The following NEGR1 variants were observed in gnomAD, a reference collection of about 807,000 sequenced individuals.
NEGR1 encodes the protein neuronal growth regulator 1.
A neutral mutation model predicts 40.9 loss-of-function variants in NEGR1; 10 were observed. The observed-to-expected ratio is 0.24, with a 90% CI of 0.15 to 0.42. The LOEUF (loss-of-function observed/expected upper bound fraction) is 0.42, where lower values mean the gene tolerates loss of function less well. Ranked by LOEUF, NEGR1 falls within the 10% of genes least tolerant of loss-of-function variation. The pLI, the probability that NEGR1 is intolerant of heterozygous loss-of-function variation, is 1.00. For synonymous variants in NEGR1, 185 were observed against 166.8 expected (o/e 1.11, Z -0.84); for missense variants, 352 against 438.9 (o/e 0.80, Z 1.77).
intron 6 of NEGR1, among the ~76,000 whole-genome samples, chr1:71,430,944 A>T (rs1385147570): frequency 6.6e-6 from 1 of 151,992 alleles, no homozygotes; most frequent in Non-Finnish European, 1.5e-5. Context: ...TATTTTTAGT[A>T]GAGACAGGGT....
At chr1:71,684,222 G>T (rs1336868374) in intron 4 of NEGR1, among the ~76,000 whole-genome samples, 1 of 152,048 alleles carries the variant, frequency 6.6e-6, no homozygotes, top group African/African-American at 2.4e-5. Flanking sequence ...AGTGAGCCCA[G>T]ATCGCGCCAC....
At chr1:71,796,600 C>T (rs188356383) in intron 2 of NEGR1, among the ~76,000 whole-genome samples, 357 of 152,182 alleles carry the variant, frequency 2.3e-3, no homozygotes, top group South Asian at 3.7e-3. Flanking sequence ...TGAAGAATGA[C>T]ATACAATTAA....
chr1:71,996,534 C>CA (rs1368153022), intron 1 of NEGR1, among the ~76,000 whole-genome samples: 3 of 152,090 alleles, frequency 2.0e-5, no homozygotes, highest in Non-Finnish European at 4.4e-5. Context: ...GATACTCTCA[C>CA]AATCTTTCTT....
chr1:71,913,502 C>T (rs1326790792), intron 2 of NEGR1, among the ~76,000 whole-genome samples: 1 of 152,170 alleles, frequency 6.6e-6, no homozygotes, highest in Non-Finnish European at 1.5e-5. Context: ...CACTTCTAAA[C>T]CCATATTTTG....
chr1:72,134,554 A>G (rs189700023), intron 1 of NEGR1, among the ~76,000 whole-genome samples: 3 of 151,662 alleles, frequency 2.0e-5, no homozygotes, highest in African/African-American at 4.8e-5. Context: ...TATAACATTG[A>G]CATTATATAT....
At chr1:71,668,228 C>T (rs1268938639) in intron 4 of NEGR1, among the ~76,000 whole-genome samples, 1 of 152,098 alleles carries the variant, frequency 6.6e-6, no homozygotes, top group Non-Finnish European at 1.5e-5. Context: ...TGTCCATTAC[C>T]CTTGCTCTTC....
At chr1:71,570,995 T>C (rs1400085639) in intron 6 of NEGR1, 8 of 152,176 alleles carry the variant, frequency 5.3e-5, no homozygotes, top group Non-Finnish European at 1.2e-4. Flanking sequence ...CTATCTTTGA[T>C]TCCAGGTATG....
intron 1 of NEGR1, among the ~76,000 whole-genome samples, chr1:71,981,212 T>C (rs1006588854): frequency 6.6e-6 from 1 of 152,156 alleles, no homozygotes; most frequent in Non-Finnish European, 1.5e-5. Flanking sequence ...CTATGATAAA[T>C]GAGAGTCTCT....
rs56183950 is a variant in NEGR1 at position 71,898,964 on chromosome 1, C to CATATAT, written c.409+36109_409+36114dup. ...ATATATTGCAAATATATATATATAG[C>CATATAT]ATATATATATATATAGCATATATAT... On this transcript the variant is annotated intron_variant, in intron 2 of 6. Coordinates refer to ENST00000357731, the MANE Select transcript of NEGR1 (RefSeq NM_173808.3). Among the ~76,000 whole-genome samples, 4 of 95,936 alleles carry CATATAT rather than the reference C, an allele frequency of 4.2e-5. No individual in the cohort carries two copies. In the South Asian group the frequency reaches 9.6e-4, roughly 23 times the overall value. The allele number at this position is 95,936 out of a possible 152,430, so 62.9% of individuals were successfully genotyped here.
intron 6 of NEGR1, among the ~76,000 whole-genome samples, chr1:71,427,291 TA>T (rs1395918316): frequency 2.0e-5 from 3 of 152,204 alleles, no homozygotes; most frequent in Admixed American, 6.5e-5. Flanking sequence ...CACAGCATGT[TA>T]AAGTCAATAG....
At position 71,797,550 on chromosome 1, in the gene NEGR1, T is replaced by A. The variant is rs182006814; in HGVS notation, c.410-21253A>T. 2.4e-3 allele frequency among the ~76,000 whole-genome samples: 368 copies of A among 152,234 alleles called. 3 individuals are homozygous for A. The highest frequency in any genetic ancestry group is 7.7e-3 in the African/African-American group (319 of 41,542). ...AATTTGGATAATTAGAGAAAATACA[T>A]CAAAGTGATTTAGAGGAAAATGTAT... On this transcript the variant is annotated intron_variant, in intron 2 of 6. Transcript: ENST00000357731.
intron 2 of NEGR1, among the ~76,000 whole-genome samples, chr1:71,920,097 T>C (rs893669205): frequency 2.6e-4 from 40 of 152,074 alleles, no homozygotes; most frequent in Non-Finnish European, 5.0e-4. Flanking sequence ...ATTTTCCCCA[T>C]TGCTTCTACA....
intron 2 of NEGR1, among the ~76,000 whole-genome samples, chr1:71,901,640 AC>A (rs1661145358): frequency 6.8e-6 from 1 of 147,724 alleles, no homozygotes; most frequent in South Asian, 2.2e-4. Flanking sequence ...TTTTCTAAAC[AC>A]CATTTTTCTA....
At chr1:71,916,472 G>A (rs776862605) in intron 2 of NEGR1, among the ~76,000 whole-genome samples, 26 of 152,122 alleles carry the variant, frequency 1.7e-4, no homozygotes, top group Non-Finnish European at 2.9e-4. Context: ...AAAATACCAG[G>A]CCAGGTGCTG....
chr1:71,577,694 CCT>C (rs1649008850), intron 6 of NEGR1, among the ~76,000 whole-genome samples: 1 of 152,198 alleles, frequency 6.6e-6, no homozygotes, highest in Non-Finnish European at 1.5e-5. Context: ...CTGAAAGCGT[CCT>C]CTGTCTAAGC....
rs145518711 is a variant in NEGR1, at chr1:71,815,136, T to C, written c.410-38839A>G. On this transcript the variant is annotated intron_variant, in intron 2 of 6. Coordinates refer to ENST00000357731, the MANE Select transcript of NEGR1 (RefSeq NM_173808.3). Reference sequence around the variant, plus strand: ...GCTCTCATTGGTTTCAAAGAACTTATTGATTTCTGCCTTAATTTCATTATT... The same window carrying C: ...GCTCTCATTGGTTTCAAAGAACTTACTGATTTCTGCCTTAATTTCATTATT... Among the ~76,000 whole-genome samples the C allele has an allele frequency of 1.6e-3, 243 of 152,266 alleles. No homozygotes were observed. In the East Asian group the frequency reaches 0.033, roughly 21 times the overall value.
At chr1:71,590,513 C>T (rs72940384) in intron 6 of NEGR1, among the ~76,000 whole-genome samples, 20 of 151,838 alleles carry the variant, frequency 1.3e-4, no homozygotes, top group Non-Finnish European at 2.5e-4. Context: ...CATCTAGTGC[C>T]GTGCTTTGCC....
intron 2 of NEGR1, among the ~76,000 whole-genome samples, chr1:71,886,993 C>T (rs1570468314): frequency 6.6e-6 from 1 of 152,070 alleles, no homozygotes; most frequent in Non-Finnish European, 1.5e-5. Flanking sequence ...TCTGACTCCC[C>T]CAAAACTTAA....
chr1:72,127,047 A>G (rs1650048347), intron 1 of NEGR1, among the ~76,000 whole-genome samples: 1 of 152,204 alleles, frequency 6.6e-6, no homozygotes, highest in African/African-American at 2.4e-5. Flanking sequence ...ATATAAGGAC[A>G]AAAGCTGTTC....
Sources: gnomAD v4.1 joint callset for allele counts (sites outside exome capture counted in the v4.1 genomes callset) on GRCh38, gnomAD v4.1.1 for gene constraint, MANE v1.5 for transcripts, NCBI Gene and HGNC (gene_info 2026-07-23, HGNC 2026-07-21) for gene names.